The following COG5 variants were observed in gnomAD, a reference collection of about 807,000 sequenced individuals.
COG5 encodes the protein conserved oligomeric Golgi complex subunit 5.
Under a neutral mutation model 110.4 loss-of-function variants are expected in COG5, and 86 were observed. That is an observed-to-expected ratio of 0.78 (90% CI 0.65 to 0.93). The LOEUF is 0.93. Ranked by LOEUF, COG5 falls within the 40% of genes least tolerant of loss-of-function variation. The pLI is 0.00. For missense variants in COG5, 1,077 were observed against 987.0 expected (o/e 1.09, Z -1.22); for synonymous variants, 360 against 334.6 (o/e 1.08, Z -0.83).
intron 19 of COG5, 58 bp from the exon 20 acceptor site, chr7:107,211,283 G>A: frequency 6.3e-7 from 1 of 1,576,648 alleles, no homozygotes; most frequent in South Asian, 1.1e-5. Context: ...AGGTGATTTG[G>A]TGGGAGAATC....
At chr7:107,280,891 C>G (rs907776505) in intron 14 of COG5, among the ~76,000 whole-genome samples, 2 of 151,860 alleles carry the variant, frequency 1.3e-5, no homozygotes, top group African/African-American at 2.4e-5. Flanking sequence ...TCTAACAGTT[C>G]AAGTCAATTT....
intron 16 of COG5, among the ~76,000 whole-genome samples, chr7:107,252,481 C>G (rs2116583806): frequency 6.6e-6 from 1 of 151,880 alleles, no homozygotes; most frequent in South Asian, 2.1e-4. Flanking sequence ...GGAAGAAAAA[C>G]AAAAACAAAA....
chr7:107,280,012 G>C (rs1275657752), intron 14 of COG5, among the ~76,000 whole-genome samples: 1 of 151,914 alleles, frequency 6.6e-6, no homozygotes, highest in Non-Finnish European at 1.5e-5. Flanking sequence ...ATACATGCTG[G>C]ATCTTTCTTA....
intron 7 of COG5, among the ~76,000 whole-genome samples, chr7:107,408,006 T>G (rs1421791233): frequency 6.6e-6 from 1 of 152,142 alleles, no homozygotes; most frequent in South Asian, 2.1e-4. Context: ...GGAAGCAGTA[T>G]GAGTATTAAA....
At position 107,554,197 on chromosome 7, in the gene COG5, A is replaced by T. The variant is rs898643283; in HGVS notation, c.292+88T>A. 25 of 1,153,584 alleles carry T rather than the reference A, an allele frequency of 2.2e-5. No individual in the cohort carries two copies. The Middle Eastern group carries it at 5.7e-4, about 26-fold the overall frequency. 71.5% of individuals were successfully genotyped at this position (1,153,584 alleles called of 1,614,324 possible). On this transcript the variant is annotated intron_variant, in intron 3 of 21. Transcript: ENST00000297135. ...AGAGACTGTATGGCTGGCAAAGTCTAAAATACTTGCCATCCAAAGTAGCTT... is the reference window on the plus strand; with the variant it reads ...AGAGACTGTATGGCTGGCAAAGTCTTAAATACTTGCCATCCAAAGTAGCTT...
chr7:107,412,733 G>A (rs192082670), intron 6 of COG5, 101 bp from the exon 7 acceptor site: 27 of 747,644 alleles, frequency 3.6e-5, no homozygotes, highest in Admixed American at 3.2e-4. Context: ...AACAAAAAAC[G>A]CTATTAAACA....
intron 6 of COG5, among the ~76,000 whole-genome samples, chr7:107,420,537 T>C (rs1275573653): frequency 1.3e-5 from 2 of 152,178 alleles, no homozygotes; most frequent in Non-Finnish European, 2.9e-5. Context: ...CTCGGCTCAC[T>C]GCAACCTCCG....
intron 6 of COG5, among the ~76,000 whole-genome samples, chr7:107,449,229 G>A (rs1039499099): frequency 1.3e-5 from 2 of 152,022 alleles, no homozygotes; most frequent in African/African-American, 2.4e-5. Context: ...AATGCATACG[G>A]GACTTAAAAC....
chr7:107,315,233 C>T (rs1808625273), intron 11 of COG5, among the ~76,000 whole-genome samples: 1 of 150,998 alleles, frequency 6.6e-6, no homozygotes. Flanking sequence ...AGATTTGACT[C>T]TTTATCACTA....
intron 5 of COG5, among the ~76,000 whole-genome samples, chr7:107,537,822 G>A (rs181366226): frequency 6.1e-4 from 92 of 151,460 alleles, no homozygotes; most frequent in African/African-American, 2.2e-3. Context: ...TGGCCAAAAG[G>A]CACCACAGAA....
At chr7:107,245,497 A>C (rs951608810) in intron 17 of COG5, among the ~76,000 whole-genome samples, 8 of 152,234 alleles carry the variant, frequency 5.3e-5, no homozygotes, top group Admixed American at 5.2e-4. Context: ...CCTTCAGCTG[A>C]TAAACAACTT....
chr7:107,442,181 G>A (rs1379632604), intron 6 of COG5, among the ~76,000 whole-genome samples: 1 of 152,154 alleles, frequency 6.6e-6, no homozygotes, highest in Non-Finnish European at 1.5e-5. Flanking sequence ...GTTCTCAAGA[G>A]ATTTGGCTGT....
intron 19 of COG5, among the ~76,000 whole-genome samples, chr7:107,215,436 G>A (rs1001078424): frequency 3.9e-5 from 6 of 152,230 alleles, no homozygotes; most frequent in Admixed American, 3.9e-4. Flanking sequence ...GGGAGGCCGT[G>A]GTGGGTGGAT....
chr7:107,398,905 A>G (rs1329964259), intron 7 of COG5, among the ~76,000 whole-genome samples: 1 of 152,182 alleles, frequency 6.6e-6, no homozygotes, highest in African/African-American at 2.4e-5. Flanking sequence ...CATCTGTATA[A>G]ATTTACTAAA....
chr7:107,252,566 T>C (rs1802598112), intron 16 of COG5, among the ~76,000 whole-genome samples: 1 of 152,152 alleles, frequency 6.6e-6, no homozygotes. Context: ...GAAGCCAGTA[T>C]TAACTTGCTA....
intron 5 of COG5, among the ~76,000 whole-genome samples, chr7:107,536,250 T>C (rs972000835): frequency 1.3e-5 from 2 of 152,088 alleles, no homozygotes; most frequent in African/African-American, 4.8e-5. Flanking sequence ...ATTCAACATA[T>C]TATTGGAAGT....
intron 14 of COG5, among the ~76,000 whole-genome samples, chr7:107,267,561 TAAAC>T (rs1166518312): frequency 6.6e-6 from 1 of 152,226 alleles, no homozygotes; most frequent in Non-Finnish European, 1.5e-5. Flanking sequence ...ATTAACAACT[TAAAC>T]AATCCTTCAT....
At chr7:107,426,131 AATT>A (rs1416873003) in intron 6 of COG5, among the ~76,000 whole-genome samples, 1 of 152,176 alleles carries the variant, frequency 6.6e-6, no homozygotes, top group Non-Finnish European at 1.5e-5. Context: ...TAGCCTCCAG[AATT>A]GTAAGACAAC....
intron 19 of COG5, among the ~76,000 whole-genome samples, chr7:107,223,348 GCA>G (rs1800088501): frequency 6.6e-6 from 1 of 152,296 alleles, no homozygotes; most frequent in African/African-American, 2.4e-5. Flanking sequence ...CTAGTTTGTG[GCA>G]CGAGGGGCCA....
Sources: allele counts gnomAD v4.1 joint callset (sites outside exome capture counted in the v4.1 genomes callset), GRCh38; gene constraint gnomAD v4.1.1; transcripts MANE v1.5; gene names NCBI Gene and HGNC (gene_info 2026-07-23, HGNC 2026-07-21).